The following ZNF239 variants were observed in gnomAD, a reference collection of about 807,000 sequenced individuals.
ZNF239 encodes zinc finger protein 239, also known as zinc finger protein (C2H2) homologous to mouse MOK-2.
Under a neutral mutation model 27.5 loss-of-function variants are expected in ZNF239, and 16 were observed. The ratio of observed to expected loss-of-function variants is 0.58; its 90% CI spans 0.39 to 0.88. The LOEUF is 0.88. Ranked by LOEUF, ZNF239 falls within the 40% of genes least tolerant of loss-of-function variation. ZNF239 has a pLI of 0.00. For synonymous variants in ZNF239, 199 were observed against 192.6 expected, an observed-to-expected ratio of 1.03 and a Z score of -0.27; for missense variants, 527 against 551.9, an observed-to-expected ratio of 0.95 and a Z score of 0.45.
intron 2 of ZNF239, among the ~76,000 whole-genome samples, chr10:43,569,386 A>C (rs1388697717): frequency 6.6e-6 from 1 of 152,208 alleles, no homozygotes; most frequent in Non-Finnish European, 1.5e-5. Flanking sequence ...AAGGCCAAGC[A>C]TGAAACCCTC....
intron 2 of ZNF239, among the ~76,000 whole-genome samples, chr10:43,571,363 G>C (rs1178659896): frequency 1.3e-5 from 2 of 150,820 alleles, no homozygotes; most frequent in Non-Finnish European, 2.9e-5. Context: ...CCTTTCTATA[G>C]TAAGCCCTAA....
At position 43,571,085 on chromosome 10, in the gene ZNF239, G is replaced by GT. The variant is rs1386764580; in HGVS notation, c.-216+2551_-216+2552insA. ...CAGTGGCACTAAGGAGTCACTCCAA[G>GT]GCTGTGCTCCTGCTTACAGTTGGGA... On this transcript the variant is annotated intron_variant, in intron 2 of 3. Transcript: ENST00000374446. The GT allele has an allele frequency of 3.4e-6, 3 of 886,516 alleles. No homozygotes were observed. In the African/African-American group the frequency reaches 5.4e-5, roughly 16 times the overall value. The allele number at this position is 886,516 out of a possible 1,614,324, so 54.9% of individuals were successfully genotyped here. A position where few individuals can be genotyped will look rare whatever the true frequency, so the allele number is the denominator to read the frequency against.
rs535937343 is a variant in ZNF239 at position 43,566,111 on chromosome 10, G to A, written c.-93+1788C>T. On this transcript the variant is annotated intron_variant, in intron 3 of 3. Coordinates refer to ENST00000374446, the MANE Select transcript of ZNF239 (RefSeq NM_001099282.2). ...CAGGCACTGGGTTTATATAAAGAAC[G>A]TGGAAAGGCCTGGTTCACTACCTGG... Among the ~76,000 whole-genome samples the A allele has an allele frequency of 3.9e-5, 6 of 152,268 alleles. No individual in the cohort carries two copies. In the South Asian group the frequency reaches 8.3e-4, roughly 21 times the overall value.
At chr10:43,567,544 G>A (rs1427549647) in intron 3 of ZNF239, among the ~76,000 whole-genome samples, 5 of 152,168 alleles carry the variant, frequency 3.3e-5, no homozygotes. Context: ...CGTTGAAAAA[G>A]GGATTCCTCT....
At chr10:43,558,697 C>T (rs1311328186) in intron 3 of ZNF239, among the ~76,000 whole-genome samples, 1 of 152,190 alleles carries the variant, frequency 6.6e-6, no homozygotes, top group Non-Finnish European at 1.5e-5. Context: ...GATCCATCCG[C>T]GTCAGCCTCC....
In ZNF239 at chr10:43,557,031, C is replaced by A; in HGVS notation, c.1049G>T (p.Gly350Val). Residue 350 changes from glycine (G) to valine (V), a missense_variant, in exon 4 of 4, where the codon GGT (glycine) becomes GTT (valine). Gly to Val is a moderately radical substitution (Grantham distance 109). Transcript: ENST00000374446. ...VHTGERPYKC[G>V]ECGKGFSQSS... ...CTGACTGAAGCCCTTCCCACACTCACCACACTTGTAGGGCCTCTCTCCTGT... is the reference window on the plus strand; with the variant it reads ...CTGACTGAAGCCCTTCCCACACTCAACACACTTGTAGGGCCTCTCTCCTGT... 6.2e-7 allele frequency: 1 copy of A among 1,608,942 alleles called. No homozygotes were observed. The highest frequency in any genetic ancestry group is 8.5e-7 in the Non-Finnish European group (1 of 1,178,432).
At chr10:43,565,817 GAAAAAAAA>G (rs36039838) in intron 3 of ZNF239, among the ~76,000 whole-genome samples, 12 of 67,146 alleles carry the variant, frequency 1.8e-4, no homozygotes, top group East Asian at 5.5e-4. Flanking sequence ...TCCATCTCAA[GAAAAAAAA>G]AAAAAAAAAA....
intron 2 of ZNF239, among the ~76,000 whole-genome samples, chr10:43,573,217 G>A (rs1335682371): frequency 6.6e-6 from 1 of 151,838 alleles, no homozygotes; most frequent in Non-Finnish European, 1.5e-5. Flanking sequence ...TTTGTGTACA[G>A]GTAATATAAT....
At chr10:43,559,118 T>A (rs115643856) in intron 3 of ZNF239, among the ~76,000 whole-genome samples, 8 of 151,886 alleles carry the variant, frequency 5.3e-5, no homozygotes, top group African/African-American at 1.2e-4. Context: ...ACGAAGGAGA[T>A]AAAAACAGTA....
In ZNF239 at chr10:43,557,914, C is replaced by T. The variant is rs61731399; in HGVS notation, c.166G>A (p.Glu56Lys). ...AAATATGTTTCACTTTCAATGTTTT[C>T]GAAACAACCACTTTGAAGAGTCATC... ...SVMTLQSGCF[E>K]NIESETYLPL... Residue 56 changes from glutamate to lysine, a missense_variant, in exon 4 of 4, where the codon GAA (glutamate) becomes AAA (lysine). Transcript: ENST00000374446. 7.9e-4 allele frequency: 1,279 copies of T among 1,614,138 alleles called. 11 individuals are homozygous for T. The African/African-American group carries it at 0.015, about 19-fold the overall frequency.
chr10:43,573,661 C>T lies in ZNF239; in HGVS notation c.-240G>A, dbSNP rs989989520. 5.0e-5 allele frequency: 49 copies of T among 985,246 alleles called. No individual in the cohort carries two copies. Among genetic ancestry groups the T allele is most frequent in the Non-Finnish European group, 5.7e-5 (47 of 829,938 alleles). The allele number at this position is 985,246 out of a possible 1,614,324, so 61.0% of individuals were successfully genotyped here. On this transcript the variant is annotated 5_prime_UTR_variant, in exon 2 of 4. Coordinates refer to ENST00000374446, the MANE Select transcript of ZNF239 (RefSeq NM_001099282.2). ...CCCGGACCCTGGTCATTTCTTACTC[C>T]CAGAGGGGATGGATTCCTGGAAAGG...
At chr10:43,573,214 A>G (rs1387859732) in intron 2 of ZNF239, among the ~76,000 whole-genome samples, 4 of 151,966 alleles carry the variant, frequency 2.6e-5, no homozygotes, top group East Asian at 1.9e-4. Flanking sequence ...TTTTTTGTGT[A>G]CAGGTAATAT....
In ZNF239 at chr10:43,556,718, C is replaced by T. The variant is rs1260604600; in HGVS notation, c.1362G>A (p.Lys454=). ...CTAATGTCAGTTAGCGAGGATCTTTCTTGTGAACCCGCTGGTGGATGTGAA... is the reference window on the plus strand; with the variant it reads ...CTAATGTCAGTTAGCGAGGATCTTTTTTGTGAACCCGCTGGTGGATGTGAA... ...SNLHIHQRVH[K]KDPR Residue 454 remains lysine, a synonymous_variant, in exon 4 of 4, where the codon AAG becomes AAA. Coordinates refer to ENST00000374446, the MANE Select transcript of ZNF239 (RefSeq NM_001099282.2). 1.9e-6 allele frequency: 3 copies of T among 1,613,196 alleles called. No homozygotes were observed. Among genetic ancestry groups the T allele is most frequent in the African/African-American group, 2.7e-5 (2 of 74,922 alleles).
In ZNF239 at chr10:43,557,390, T is replaced by G. The variant is rs762795935; in HGVS notation, c.690A>C (p.Thr230=). ...SELLLHQRDH[T]EEKPYKCEQC... The stretch of plus-strand genomic sequence containing the variant: ...GCTCACATTTGTAGGGTTTTTCTTC[T>G]GTGTGGTCTCTCTGATGAAGTAGTA... Residue 230 remains threonine (T), a synonymous_variant, in exon 4 of 4, where the codon ACA becomes ACC. Transcript: ENST00000374446. The G allele has an allele frequency of 6.2e-7, 1 of 1,614,238 alleles. No individual in the cohort carries two copies.
chr10:43,563,026 A>G (rs1837374742), intron 3 of ZNF239, among the ~76,000 whole-genome samples: 1 of 152,184 alleles, frequency 6.6e-6, no homozygotes, highest in East Asian at 1.9e-4. Context: ...AATAATATGA[A>G]GAATGAGGCC....
chr10:43,557,092 G>A lies in ZNF239; in HGVS notation c.988C>T (p.Gln330Ter). The A allele has an allele frequency of 6.2e-7, 1 of 1,612,192 alleles. No individual in the cohort carries two copies. The highest frequency in any genetic ancestry group is 8.5e-7 in the Non-Finnish European group (1 of 1,179,032). The stretch of plus-strand genomic sequence containing the variant: ...TGGTGGATGTGCAGGTTTGAGCGCT[G>A]ACTGAAGCTCATACCACACTCCTCA... ...ECEECGMSFS[Q>*]RSNLHIHQRV... is the part of the protein sequence containing the mutation. The change falls in exon 4 of 4, where the codon CAG (glutamine) becomes TAG (stop). Residue 330 changes from glutamine to a stop codon, truncating the protein, a stop_gained. Transcript: ENST00000374446. LOFTEE classifies it high-confidence loss of function.
intron 2 of ZNF239, among the ~76,000 whole-genome samples, chr10:43,569,700 C>T (rs1055825857): frequency 2.0e-5 from 3 of 152,182 alleles, no homozygotes; most frequent in African/African-American, 7.2e-5. Flanking sequence ...CTTCTTATAA[C>T]TTATGCCTTA....
intron 3 of ZNF239, among the ~76,000 whole-genome samples, chr10:43,560,408 G>A (rs1001363328): frequency 6.6e-6 from 1 of 151,976 alleles, no homozygotes; most frequent in African/African-American, 2.4e-5. Flanking sequence ...AAAGAAGCAG[G>A]GCATGCCCCA....
chr10:43,567,357 T>C (rs190901375), intron 3 of ZNF239, among the ~76,000 whole-genome samples: 1 of 151,554 alleles, frequency 6.6e-6, no homozygotes, highest in Admixed American at 6.6e-5. Flanking sequence ...GTTGGGGAAA[T>C]GTGGGGAAAG....
Sources: allele counts gnomAD v4.1 joint callset (sites outside exome capture counted in the v4.1 genomes callset), GRCh38; gene constraint gnomAD v4.1.1; transcripts MANE v1.5; gene names NCBI Gene and HGNC (gene_info 2026-07-23, HGNC 2026-07-21).